Variants in ZNF331 observed in about 807,000 individuals in gnomAD.
ZNF331 encodes the protein zinc finger protein 331, also known as C2H2-like zinc finger protein rearranged in thyroid adenomas.
ZNF331 carries 2 observed loss-of-function variants against 7.0 expected under a neutral mutation model. The observed-to-expected ratio is 0.29, with a 90% confidence interval of 0.12 to 0.90. The LOEUF is 0.90. ZNF331 is among the 40% of genes least tolerant of loss of function. The probability of loss-of-function intolerance (pLI) is 0.58; values close to 1 mark genes in which losing one functional copy is unlikely to be tolerated. For synonymous variants in ZNF331, 196 were observed against 205.4 expected (o/e 0.95, Z 0.39); for missense variants, 432 against 587.7 (o/e 0.74, Z 2.74).
In ZNF331 at chr19:53,576,682, G is replaced by C. The variant is rs750130989; in HGVS notation, c.137-15G>C. Reference sequence around the variant, plus strand: ...TGTCCCTCTAAAGGAAAGAAAATATGTTCTTTTTTCCCAGATTTGGAGTCA... The same window carrying C: ...TGTCCCTCTAAAGGAAAGAAAATATCTTCTTTTTTCCCAGATTTGGAGTCA... On this transcript the variant is annotated splice_polypyrimidine_tract_variant and intron_variant, in intron 5 of 5. Coordinates refer to ENST00000449416, the MANE Select transcript of ZNF331 (RefSeq NM_001079906.2). 3.2e-6 allele frequency: 5 copies of C among 1,583,136 alleles called. No homozygotes were observed. The African/African-American group carries it at 5.5e-5, about 17-fold the overall frequency.
At chr19:53,517,978 G>A (rs1221152410), upstream of ZNF331, among the ~76,000 whole-genome samples, 1 of 152,202 alleles carries the variant, frequency 6.6e-6, no homozygotes, top group Non-Finnish European at 1.5e-5. Flanking sequence ...CAACTTGATT[G>A]GATTGAAGGA....
chr19:53,559,703 A>G (rs950159447), intron 3 of ZNF331, among the ~76,000 whole-genome samples: 1 of 144,750 alleles, frequency 6.9e-6, no homozygotes, highest in South Asian at 2.2e-4. Context: ...CACACCCCAT[A>G]TATACACAGA....
At chr19:53,506,195 C>T in the ZNF331 span, among the ~76,000 whole-genome samples, 25 of 144,342 alleles carry the variant, frequency 1.7e-4, 1 homozygote, top group South Asian at 6.8e-4. Flanking sequence ...ATTAGCCGGG[C>T]GTGGTGGCGG....
At chr19:53,538,058 C>T (rs2087851721), upstream of ZNF331, 1 of 152,358 alleles carries the variant, frequency 6.6e-6, no homozygotes, top group Non-Finnish European at 1.5e-5. Context: ...GCGTGTCGGG[C>T]TCTGCTGCTG....
intron 2 of ZNF331, among the ~76,000 whole-genome samples, chr19:53,529,273 G>A (rs561314829): frequency 1.3e-5 from 2 of 151,916 alleles, no homozygotes; most frequent in South Asian, 4.1e-4. Context: ...GGTGGTAGGC[G>A]CATGTAGTCG....
chr19:53,577,201 C>T lies in ZNF331; in HGVS notation c.641C>T (p.Pro214Leu). 1 of 1,613,454 alleles carries T rather than the reference C, an allele frequency of 6.2e-7. No individual in the cohort carries two copies. Among genetic ancestry groups the T allele is most frequent in the Non-Finnish European group, 8.5e-7 (1 of 1,179,886 alleles). The change falls in exon 6 of 6, where the codon CCC (proline) becomes CTC (leucine). Residue 214 changes from proline to leucine, a missense_variant. By Grantham distance (98) the Pro-to-Leu change is moderately conservative. Transcript: ENST00000449416. The part of the protein sequence containing the change: ...IHKRIHTGEK[P>L]YECKDCGKAF... ...AAGAGGATTCATACTGGTGAAAAAC[C>T]CTATGAATGTAAAGACTGTGGAAAG...
rs904574431 is a variant in ZNF331 at position 53,580,020 on chromosome 19, G to A, written c.*2068G>A. The A allele has an allele frequency of 1.4e-5, 3 of 210,600 alleles. No individual in the cohort carries two copies. The highest frequency in any genetic ancestry group is 2.9e-5 in the Non-Finnish European group (3 of 103,860). The allele number at this position is 210,600 out of a possible 1,614,324, so 13.0% of individuals were successfully genotyped here. The stretch of plus-strand genomic sequence containing the variant: ...TCATTGCTCCTCAAGGAACTGTAGA[G>A]TAAAACCACAATGTGCTGTCACTCT... On this transcript the variant is annotated 3_prime_UTR_variant, in exon 6 of 6. Coordinates refer to ENST00000449416, the MANE Select transcript of ZNF331 (RefSeq NM_001079906.2).
upstream of ZNF331, among the ~76,000 whole-genome samples, chr19:53,533,718 G>T (rs1337340193): frequency 1.3e-5 from 2 of 152,136 alleles, no homozygotes; most frequent in Non-Finnish European, 2.9e-5. Flanking sequence ...TTCATGAATT[G>T]ATCCCTTTAT....
rs2090563418 is a variant in ZNF331, at chr19:53,573,502, C to G, written c.136+1772C>G. On this transcript the variant is annotated intron_variant, in intron 5 of 5. Coordinates refer to ENST00000449416, the MANE Select transcript of ZNF331 (RefSeq NM_001079906.2). The surrounding 1 kb of genome is among the most constrained non-coding windows in gnomAD (Gnocchi z 4.2). ...TTGAGATTTTTTTCTTTTTTTCACTCTGTTACTCAGGCTGGAGTGCAGTGG... is the reference window on the plus strand; with the variant it reads ...TTGAGATTTTTTTCTTTTTTTCACTGTGTTACTCAGGCTGGAGTGCAGTGG... 6.6e-6 allele frequency among the ~76,000 whole-genome samples: 1 copy of G among 151,292 alleles called. No individual in the cohort carries two copies. The highest frequency in any genetic ancestry group is 2.4e-5 in the African/African-American group (1 of 41,190).
At chr19:53,509,315 A>T in the ZNF331 span, among the ~76,000 whole-genome samples, 809 of 152,326 alleles carry the variant, frequency 5.3e-3, 10 homozygotes, top group African/African-American at 0.018. Flanking sequence ...CAGAGAAACA[A>T]ATCAAGTAAT....
chr19:53,504,453 C>A, the ZNF331 span, among the ~76,000 whole-genome samples: 1 of 150,630 alleles, frequency 6.6e-6, no homozygotes, highest in East Asian at 1.9e-4. Context: ...CCTCCTGATC[C>A]CCCCTCCACC....
In ZNF331 at chr19:53,538,257, A is replaced by T. The variant is rs185947297; in HGVS notation, c.-244A>T. ...GGGGCCGTGCTGGGTGCGCGTTTGC[A>T]CCAGTGACGCAGCCGCTGCATCTCC... On this transcript the variant is annotated 5_prime_UTR_variant, in exon 1 of 6. Coordinates refer to ENST00000449416, the MANE Select transcript of ZNF331 (RefSeq NM_001079906.2). The T allele has an allele frequency of 6.6e-6, 1 of 152,120 alleles. No individual in the cohort carries two copies. Among genetic ancestry groups the T allele is most frequent in the East Asian group, 1.9e-4 (1 of 5,166 alleles). 9.4% of individuals were successfully genotyped at this position (152,120 alleles called of 1,614,324 possible). A position where few individuals can be genotyped will look rare whatever the true frequency, so the allele number is the denominator to read the frequency against.
At chr19:53,535,697 C>T (rs1188224129), upstream of ZNF331, among the ~76,000 whole-genome samples, 1 of 151,930 alleles carries the variant, frequency 6.6e-6, no homozygotes, top group Non-Finnish European at 1.5e-5. Context: ...CAAATATGGA[C>T]TTTGGAAATA....
chr19:53,509,723 A>G, the ZNF331 span, among the ~76,000 whole-genome samples: 1 of 152,174 alleles, frequency 6.6e-6, no homozygotes, highest in Non-Finnish European at 1.5e-5. Context: ...AGAGCCTGGG[A>G]AAGCTCTGAT....
chr19:53,559,787 T>C (rs111073469), intron 3 of ZNF331, among the ~76,000 whole-genome samples: 68 of 115,532 alleles, frequency 5.9e-4, no homozygotes, highest in Non-Finnish European at 7.1e-4. Context: ...CATATATATA[T>C]ACACACACGT....
chr19:53,570,004 C>T (rs1329347777), intron 4 of ZNF331, among the ~76,000 whole-genome samples: 2 of 152,090 alleles, frequency 1.3e-5, no homozygotes, highest in African/African-American at 4.8e-5. Context: ...ACCTGTAATC[C>T]CAGCACTTTG....
upstream of ZNF331, among the ~76,000 whole-genome samples, chr19:53,516,909 G>A (rs1455670333): frequency 6.6e-6 from 1 of 152,130 alleles, no homozygotes; most frequent in Non-Finnish European, 1.5e-5. Flanking sequence ...AATATGAAAT[G>A]TCTACTTTAG....
intron 2 of ZNF331, among the ~76,000 whole-genome samples, chr19:53,545,698 G>A (rs555034739): frequency 3.9e-5 from 6 of 152,168 alleles, no homozygotes; most frequent in Admixed American, 3.9e-4. Context: ...CCTTCCAACA[G>A]TGTGGTACCT....
At chr19:53,529,229 G>A (rs1162935046) in intron 2 of ZNF331, among the ~76,000 whole-genome samples, 1 of 151,964 alleles carries the variant, frequency 6.6e-6, no homozygotes, top group Non-Finnish European at 1.5e-5. Context: ...GTGAAACCCC[G>A]TCTCTACTAA....
Sources: allele counts gnomAD v4.1 joint callset (sites outside exome capture counted in the v4.1 genomes callset), GRCh38; gene constraint gnomAD v4.1.1; non-coding constraint Gnocchi (gnomAD v3.1); transcripts MANE v1.5; gene names NCBI Gene and HGNC (gene_info 2026-07-23, HGNC 2026-07-21).